Variants in ATRNL1 observed in about 807,000 individuals in gnomAD.
The protein encoded by ATRNL1 is attractin like 1.
ATRNL1 carries 95 observed loss-of-function variants against 182.7 expected under a neutral mutation model. That is an observed-to-expected ratio of 0.52 (90% CI 0.44 to 0.62). ATRNL1 has a LOEUF of 0.62. ATRNL1 is among the 20% of genes least tolerant of loss of function. The pLI is 0.00. For synonymous variants in ATRNL1, 576 were observed against 568.3 expected, an observed-to-expected ratio of 1.01 and a Z score of -0.19; for missense variants, 1,471 against 1,679.5, an observed-to-expected ratio of 0.88 and a Z score of 2.17.
rs1488348336 is a variant in ATRNL1 at position 115,246,706 on chromosome 10, G to A, written c.1687+4981G>A. ...CTCCCGAGTAGCTGGGACTACAGGC[G>A]CCCGCCACCGCGCCCGGCTAATTTT... On this transcript the variant is annotated intron_variant, in intron 10 of 28. Coordinates refer to ENST00000355044, the MANE Select transcript of ATRNL1 (RefSeq NM_207303.4). Among the ~76,000 whole-genome samples the A allele has an allele frequency of 5.0e-5, 6 of 120,808 alleles. 2 individuals are homozygous for A. The highest frequency in any genetic ancestry group is 1.1e-4 in the Non-Finnish European group (6 of 56,676). The allele number at this position is 120,808 out of a possible 152,430, so 79.3% of individuals were successfully genotyped here.
chr10:115,701,574 G>A (rs893077669), intron 26 of ATRNL1, among the ~76,000 whole-genome samples: 104 of 151,912 alleles, frequency 6.8e-4, no homozygotes, highest in African/African-American at 2.4e-3. Flanking sequence ...CAAACAAACT[G>A]AAGAAGATCC....
At chr10:115,642,849 A>T (rs1465949419) in intron 26 of ATRNL1, among the ~76,000 whole-genome samples, 1 of 152,180 alleles carries the variant, frequency 6.6e-6, no homozygotes, top group Non-Finnish European at 1.5e-5. Flanking sequence ...AAGTTGGAGG[A>T]TTGGTAACAC....
chr10:115,633,316 G>A (rs1188148531), intron 26 of ATRNL1, among the ~76,000 whole-genome samples: 1 of 152,146 alleles, frequency 6.6e-6, no homozygotes, highest in Non-Finnish European at 1.5e-5. Flanking sequence ...AGATGTGTAA[G>A]TCTTGGTTCT....
At chr10:115,263,362 C>T (rs1231291429) in intron 10 of ATRNL1, among the ~76,000 whole-genome samples, 3 of 151,610 alleles carry the variant, frequency 2.0e-5, no homozygotes, top group African/African-American at 7.3e-5. Context: ...CAAGGGTTGA[C>T]GAGGATGTGG....
intron 19 of ATRNL1, among the ~76,000 whole-genome samples, chr10:115,359,816 T>C (rs1481825820): frequency 6.6e-6 from 1 of 151,530 alleles, no homozygotes. Context: ...CTCACTAACC[T>C]ATTAATTCTG....
At chr10:115,689,727 G>A (rs915612283) in intron 26 of ATRNL1, among the ~76,000 whole-genome samples, 4 of 152,154 alleles carry the variant, frequency 2.6e-5, no homozygotes, top group Admixed American at 6.5e-5. Context: ...AGTGGCTGTA[G>A]TCAGAGATCA....
chr10:115,437,250 C>T (rs542347897), intron 21 of ATRNL1, among the ~76,000 whole-genome samples: 44 of 152,160 alleles, frequency 2.9e-4, no homozygotes, highest in Non-Finnish European at 5.9e-4. Context: ...CTTATGAGAT[C>T]TGCAAGATCC....
chr10:115,820,593 A>G (rs1950269883), intron 27 of ATRNL1: 1 of 151,386 alleles, frequency 6.6e-6, no homozygotes, highest in Non-Finnish European at 1.5e-5. Flanking sequence ...ACATCCAGTT[A>G]CTACAGCCTG....
intron 24 of ATRNL1, among the ~76,000 whole-genome samples, chr10:115,485,216 C>T (rs1211274004): frequency 1.3e-5 from 2 of 151,898 alleles, no homozygotes; most frequent in African/African-American, 2.4e-5. Flanking sequence ...ATTTAAACTA[C>T]CTGGTCTTTG....
At chr10:115,250,757 C>T (rs1850842680) in intron 10 of ATRNL1, among the ~76,000 whole-genome samples, 1 of 152,180 alleles carries the variant, frequency 6.6e-6, no homozygotes, top group South Asian at 2.1e-4. Context: ...ATATCAAAGT[C>T]TCTGAATCTT....
At chr10:115,365,595 T>C (rs1187093971) in intron 19 of ATRNL1, among the ~76,000 whole-genome samples, 2 of 152,160 alleles carry the variant, frequency 1.3e-5, no homozygotes, top group Non-Finnish European at 2.9e-5. Context: ...CTTTTCTAGT[T>C]CTTTTAATTG....
At chr10:115,248,673 C>T (rs781586474) in intron 10 of ATRNL1, among the ~76,000 whole-genome samples, 7 of 151,818 alleles carry the variant, frequency 4.6e-5, no homozygotes, top group African/African-American at 7.3e-5. Context: ...AGAGAAGATA[C>T]GGGTATGAAT....
rs190498818 is a variant in ATRNL1, at chr10:115,733,150, G to A, written c.3903+5795G>A. Among the ~76,000 whole-genome samples the A allele has an allele frequency of 8.5e-3, 1,289 of 152,206 alleles. 9 individuals are homozygous for A. The highest frequency in any genetic ancestry group is 0.014 in the Non-Finnish European group (958 of 67,994). ...TAAGATTGTTTATTTGGTAATTATAGTCAAGTAGGCTAATTAATAATTTTA... is the reference window on the plus strand; with the variant it reads ...TAAGATTGTTTATTTGGTAATTATAATCAAGTAGGCTAATTAATAATTTTA... On this transcript the variant is annotated intron_variant, in intron 27 of 28. Coordinates refer to ENST00000355044, the MANE Select transcript of ATRNL1 (RefSeq NM_207303.4).
intron 13 of ATRNL1, among the ~76,000 whole-genome samples, chr10:115,271,824 TA>T (rs1479034563): frequency 1.3e-5 from 2 of 152,164 alleles, no homozygotes; most frequent in African/African-American, 2.4e-5. Context: ...AATCACAGGG[TA>T]ATATAATTTG....
chr10:115,139,219 T>G (rs1181207658), intron 5 of ATRNL1, among the ~76,000 whole-genome samples: 2 of 152,206 alleles, frequency 1.3e-5, no homozygotes, highest in East Asian at 1.9e-4. Flanking sequence ...CCCACATTTT[T>G]CTATCTTCTT....
intron 26 of ATRNL1, among the ~76,000 whole-genome samples, chr10:115,676,584 GTA>G (rs143315406): frequency 0.016 from 2,393 of 150,158 alleles, 47 homozygotes; most frequent in African/African-American, 0.046. Flanking sequence ...ATCTGTATAT[GTA>G]TATATATATA....
chr10:115,273,855 T>C (rs1851982048), intron 13 of ATRNL1, among the ~76,000 whole-genome samples: 1 of 152,194 alleles, frequency 6.6e-6, no homozygotes, highest in South Asian at 2.1e-4. Flanking sequence ...CAGGGCCTCC[T>C]TGAGCCTGAT....
intron 19 of ATRNL1, among the ~76,000 whole-genome samples, chr10:115,338,525 C>T (rs1457388783): frequency 6.6e-6 from 1 of 152,120 alleles, no homozygotes; most frequent in Non-Finnish European, 1.5e-5. Flanking sequence ...TGTATGTCTT[C>T]TTTTGAGAAA....
intron 24 of ATRNL1, among the ~76,000 whole-genome samples, chr10:115,501,993 G>C (rs12767028): frequency 0.39 from 58,362 of 150,798 alleles, 12,134 homozygotes; most frequent in Middle Eastern, 0.49. Flanking sequence ...ACTAAAAGAA[G>C]ACAACAATTG....
Sources: allele counts gnomAD v4.1 joint callset (sites outside exome capture counted in the v4.1 genomes callset), GRCh38; gene constraint gnomAD v4.1.1; transcripts MANE v1.5; gene names NCBI Gene and HGNC (gene_info 2026-07-23, HGNC 2026-07-21).